The following ZNF445 variants were observed in gnomAD, a reference collection of about 807,000 sequenced individuals.
ZNF445 encodes zinc finger protein 168.
ZNF445 carries 19 observed loss-of-function variants against 93.9 expected under a neutral mutation model. That is an observed-to-expected ratio of 0.20 (90% CI 0.14 to 0.30). The LOEUF (loss-of-function observed/expected upper bound fraction) is 0.30, where lower values mean the gene tolerates loss of function less well. ZNF445 is among the 10% of genes least tolerant of loss of function. The pLI, the probability that ZNF445 is intolerant of heterozygous loss-of-function variation, is 1.00. For missense variants in ZNF445, 1,058 were observed against 1,259.4 expected, an observed-to-expected ratio of 0.84 and a Z score of 2.42; for synonymous variants, 449 against 446.3, an observed-to-expected ratio of 1.01 and a Z score of -0.08.
rs894003944 is a variant in ZNF445, at chr3:44,439,772, G to A, written c.*6803C>T. On this transcript the variant is annotated 3_prime_UTR_variant, in exon 8 of 8. Transcript: ENST00000396077. ...ACTGATGACACTGCAGACACCAAGAGGTTATGAAAAAGTTTACTACTCACA... is the reference window on the plus strand; with the variant it reads ...ACTGATGACACTGCAGACACCAAGAAGTTATGAAAAAGTTTACTACTCACA... 6.6e-6 allele frequency: 1 copy of A among 152,216 alleles called. No homozygotes were observed. Among genetic ancestry groups the A allele is most frequent in the South Asian group, 2.1e-4 (1 of 4,830 alleles). The allele number at this position is 152,216 out of a possible 1,614,324, so 9.4% of individuals were successfully genotyped here.
chr3:44,457,066 T>C (rs1419218808), intron 2 of ZNF445, among the ~76,000 whole-genome samples: 1 of 152,074 alleles, frequency 6.6e-6, no homozygotes, highest in Admixed American at 6.5e-5. Flanking sequence ...GAAGCAGAGG[T>C]TTGCAGTGAG....
At chr3:44,463,525 C>T (rs745725756) in intron 1 of ZNF445, among the ~76,000 whole-genome samples, 5 of 152,220 alleles carry the variant, frequency 3.3e-5, no homozygotes, top group Non-Finnish European at 7.3e-5. Flanking sequence ...ATCAAACGCT[C>T]TGTTCTGTTT....
intron 6 of ZNF445, 90 bp from the exon 7 acceptor site, chr3:44,449,713 G>A: frequency 9.3e-7 from 1 of 1,070,308 alleles, no homozygotes; most frequent in Non-Finnish European, 1.4e-6. Context: ...CTGGTGGGAA[G>A]GTGGGAAAGA....
intron 1 of ZNF445, among the ~76,000 whole-genome samples, chr3:44,472,221 T>C (rs1415296935): frequency 1.3e-5 from 2 of 152,206 alleles, no homozygotes; most frequent in East Asian, 1.9e-4. Flanking sequence ...GTGAAAAATA[T>C]AAATGGCACT....
chr3:44,439,373 C>T lies in ZNF445; in HGVS notation c.*7202G>A, dbSNP rs984224512. ...AGTGGTGACCATAGGTCATGAGCAA[C>T]GTCAGCGGACTTTTGGAAGACATAT... is the stretch of plus-strand genomic sequence containing the variant. On this transcript the variant is annotated 3_prime_UTR_variant, in exon 8 of 8. Coordinates refer to ENST00000396077, the MANE Select transcript of ZNF445 (RefSeq NM_181489.6). The T allele has an allele frequency of 3.3e-5, 5 of 150,064 alleles. No individual in the cohort carries two copies. Among genetic ancestry groups the T allele is most frequent in the African/African-American group, 9.8e-5 (4 of 40,744 alleles). 9.3% of individuals were successfully genotyped at this position (150,064 alleles called of 1,614,324 possible).
At chr3:44,450,333 G>C in intron 6 of ZNF445, 114 bp downstream of exon 6, 1 of 1,319,202 alleles carries the variant, frequency 7.6e-7, no homozygotes, top group African/African-American at 1.4e-5. Flanking sequence ...GATCTGGTCA[G>C]CAGTTACAGA....
intron 3 of ZNF445, chr3:44,454,885 G>C (rs1162524793): frequency 1.8e-6 from 1 of 565,866 alleles, no homozygotes; most frequent in Non-Finnish European, 3.2e-6. Context: ...GTTATTTATG[G>C]AGACTTGCTG....
Position 44,448,577 on chromosome 3 carries a change from C to T in ZNF445, c.1094G>A (p.Cys365Tyr), listed in dbSNP as rs1490215204. The change falls in exon 8 of 8, where the codon TGT (cysteine) becomes TAT (tyrosine). Residue 365 changes from cysteine (C) to tyrosine (Y), a missense_variant. This residue lies in a region of ZNF445 where 657 missense variants were observed against 746.4 expected (regional missense o/e 0.88). Coordinates refer to ENST00000396077, the MANE Select transcript of ZNF445 (RefSeq NM_181489.6). ...FQQKSRQKDQ[C>Y]ENPIQVRVKK... ...AACTCTTACTTGTATGGGATTTTCA[C>T]ATTGATCCTTCTGCCTGCTCTTCTG... 2 of 1,613,990 alleles carry T rather than the reference C, an allele frequency of 1.2e-6. No homozygotes were observed. The highest frequency in any genetic ancestry group is 2.2e-5 in the East Asian group (1 of 44,888).
rs1339369079 is a variant in ZNF445, at chr3:44,455,288, C to T, written c.262G>A (p.Val88Ile). ...ELCRWWLRPD[V>I]LSKAQILELL... ...TCTAGGATCTGTGCCTTGGAGAGAACGTCAGGCCTCAGCCACCAGCGACAG... is the reference window on the plus strand; with the variant it reads ...TCTAGGATCTGTGCCTTGGAGAGAATGTCAGGCCTCAGCCACCAGCGACAG... The change falls in exon 3 of 8, where the codon GTT becomes ATT. Residue 88 changes from valine (V) to isoleucine (I), a missense_variant. This residue lies in a region of ZNF445 where 657 missense variants were observed against 746.4 expected (regional missense o/e 0.88). Coordinates refer to ENST00000396077, the MANE Select transcript of ZNF445 (RefSeq NM_181489.6). The T allele has an allele frequency of 3.7e-6, 6 of 1,614,110 alleles. No individual in the cohort carries two copies. The highest frequency in any genetic ancestry group is 1.3e-5 in the African/African-American group (1 of 75,034).
At position 44,442,882 on chromosome 3, in the gene ZNF445, T is replaced by C. The variant is rs1035998965; in HGVS notation, c.*3693A>G. The C allele has an allele frequency of 6.6e-6, 1 of 152,146 alleles. No homozygotes were observed. The highest frequency in any genetic ancestry group is 1.5e-5 in the Non-Finnish European group (1 of 68,012). The allele number at this position is 152,146 out of a possible 1,614,324, so 9.4% of individuals were successfully genotyped here. On this transcript the variant is annotated 3_prime_UTR_variant, in exon 8 of 8. Coordinates refer to ENST00000396077, the MANE Select transcript of ZNF445 (RefSeq NM_181489.6). ...CCCTTAAAAAAAACCCAACCCTGACTCAGCCAAACTAAATTCAGCTTCAGA... is the reference window on the plus strand; with the variant it reads ...CCCTTAAAAAAAACCCAACCCTGACCCAGCCAAACTAAATTCAGCTTCAGA...
Position 44,451,163 on chromosome 3 carries a change from A to T in ZNF445, c.598+151T>A, listed in dbSNP as rs1201267877. 2.7e-6 allele frequency: 3 copies of T among 1,128,080 alleles called. No individual in the cohort carries two copies. In the South Asian group the frequency reaches 4.4e-5, roughly 16 times the overall value. The allele number at this position is 1,128,080 out of a possible 1,614,324, so 69.9% of individuals were successfully genotyped here. ...GTGTAATGGGGGAGGAGCAAGCCAC[A>T]TATAGGTTATAGAATGGATGGAGAG... On this transcript the variant is annotated intron_variant, in intron 4 of 7. Coordinates refer to ENST00000396077, the MANE Select transcript of ZNF445 (RefSeq NM_181489.6).
chr3:44,468,421 C>G (rs569966535), intron 1 of ZNF445, among the ~76,000 whole-genome samples: 183 of 152,326 alleles, frequency 1.2e-3, no homozygotes, highest in African/African-American at 4.3e-3. Context: ...AAGACAGTAA[C>G]AGATCTTTCC....
At chr3:44,465,770 C>T (rs368630489) in intron 1 of ZNF445, among the ~76,000 whole-genome samples, 2 of 152,042 alleles carry the variant, frequency 1.3e-5, no homozygotes, top group African/African-American at 2.4e-5. Flanking sequence ...AAAAATTAGC[C>T]GGGTGCAATG....
chr3:44,459,597 T>C (rs965124644), intron 1 of ZNF445, among the ~76,000 whole-genome samples: 2 of 152,346 alleles, frequency 1.3e-5, no homozygotes, highest in Middle Eastern at 3.4e-3. Flanking sequence ...CTACCTGATA[T>C]TAAGGCTTAC....
chr3:44,451,325 G>A lies in ZNF445; in HGVS notation c.587C>T (p.Ala196Val), dbSNP rs1328046262. 6.2e-7 allele frequency: 1 copy of A among 1,613,658 alleles called. No homozygotes were observed. Among genetic ancestry groups the A allele is most frequent in the Non-Finnish European group, 8.5e-7 (1 of 1,179,704 alleles). ...PYEIEARDFL[A>V]GQSDTPAAQM... The stretch of plus-strand genomic sequence containing the variant: ...CAGGCAGCAAGTACCGGATTGCCCA[G>A]CCAGGAAGTCACGTGCTTCTATTTC... Residue 196 changes from alanine to valine, a missense_variant, in exon 4 of 8, where the codon GCT (alanine) becomes GTT (valine). Around this residue, in one of 3 missense-constraint regions of ZNF445, gnomAD observed 657 missense variants for 746.4 expected, o/e 0.88. Transcript: ENST00000396077.
intron 1 of ZNF445, among the ~76,000 whole-genome samples, chr3:44,466,045 G>C (rs1258361778): frequency 6.6e-6 from 1 of 152,148 alleles, no homozygotes; most frequent in East Asian, 1.9e-4. Flanking sequence ...GATAATAAAA[G>C]GGTCTTGTTT....
intron 1 of ZNF445, among the ~76,000 whole-genome samples, chr3:44,465,211 T>G (rs1482358643): frequency 6.6e-6 from 1 of 152,192 alleles, no homozygotes; most frequent in African/African-American, 2.4e-5. Context: ...GTGTTTTTGT[T>G]AAAAGATTAT....
In ZNF445 at chr3:44,477,661, C is replaced by G. The variant is rs1698387933; in HGVS notation, c.-339G>C. 6.6e-6 allele frequency: 1 copy of G among 152,666 alleles called. No homozygotes were observed. The highest frequency in any genetic ancestry group is 6.5e-5 in the Admixed American group (1 of 15,304). The allele number at this position is 152,666 out of a possible 1,614,324, so 9.5% of individuals were successfully genotyped here. A position where few individuals can be genotyped will look rare whatever the true frequency, so the allele number is the denominator to read the frequency against. ...AGCCGCCCGTCCCGCGCCTACCTCC[C>G]GGCGGCTCCAGTCGCGCACGCGCGT... On this transcript the variant is annotated 5_prime_UTR_variant, in exon 1 of 8. Transcript: ENST00000396077.
chr3:44,443,279 C>CT lies in ZNF445; in HGVS notation c.*3295dup, dbSNP rs1265002984. The CT allele has an allele frequency of 1.3e-5, 2 of 152,144 alleles. No individual in the cohort carries two copies. The highest frequency in any genetic ancestry group is 2.9e-5 in the Non-Finnish European group (2 of 68,034). 9.4% of individuals were successfully genotyped at this position (152,144 alleles called of 1,614,324 possible). ...TTAGCACCAAGTAGTCAGGCTTCTA[C>CT]TTTTTTTCCTTTCAGCTAATCTGAA... On this transcript the variant is annotated 3_prime_UTR_variant, in exon 8 of 8. Coordinates refer to ENST00000396077, the MANE Select transcript of ZNF445 (RefSeq NM_181489.6).
Sources: gnomAD v4.1 joint callset for allele counts (sites outside exome capture counted in the v4.1 genomes callset) on GRCh38, gnomAD v4.1.1 for gene constraint, gnomAD v4.1.1 regional missense constraint, MANE v1.5 for transcripts, NCBI Gene and HGNC (gene_info 2026-07-23, HGNC 2026-07-21) for gene names.